The following COL21A1 variants were observed in gnomAD, a reference collection of about 807,000 sequenced individuals.
The protein encoded by COL21A1 is collagen type XXI alpha 1 chain.
A neutral mutation model predicts 137.9 loss-of-function variants in COL21A1; 149 were observed. The observed-to-expected ratio is 1.08, with a 90% confidence interval of 0.95 to 1.24. COL21A1 has a LOEUF of 1.24. Among genes scored for constraint, COL21A1 ranks in the 50% most tolerant of loss-of-function variants. The probability of loss-of-function intolerance (pLI) is 0.00; values close to 1 mark genes in which losing one functional copy is unlikely to be tolerated. For missense variants in COL21A1, 1,167 were observed against 1,158.4 expected (o/e 1.01, Z -0.11); for synonymous variants, 456 against 391.5 (o/e 1.16, Z -1.95).
chr6:56,347,517 T>TAAAAA (rs373385667), intron 1 of COL21A1, among the ~76,000 whole-genome samples: 5 of 127,164 alleles, frequency 3.9e-5, no homozygotes, highest in Non-Finnish European at 4.9e-5. Context: ...AGGAAGCATT[T>TAAAAA]AAAAAAAAAA....
At chr6:56,270,177 A>T (rs1278461491) in intron 1 of COL21A1, among the ~76,000 whole-genome samples, 2 of 152,246 alleles carry the variant, frequency 1.3e-5, no homozygotes, top group African/African-American at 4.8e-5. Context: ...CAAGATACTC[A>T]TCTCACATGT....
Position 56,069,112 on chromosome 6 carries a change from T to C in COL21A1, c.2025A>G (p.Glu675=), listed in dbSNP as rs746496717. The C allele has an allele frequency of 6.3e-7, 1 of 1,597,190 alleles. No individual in the cohort carries two copies. The highest frequency in any genetic ancestry group is 8.5e-7 in the Non-Finnish European group (1 of 1,171,252). The change falls in exon 22 of 30, where the codon GAA becomes GAG. Residue 675 remains glutamate (E), a synonymous_variant. Coordinates refer to ENST00000244728, the MANE Select transcript of COL21A1 (RefSeq NM_030820.4). The part of the protein sequence containing the change: ...GMPGASGLKG[E]PGATGSPGEP... ...CTCCTGGGGAACCCGTTGCTCCTGG[T>C]TCTCCCTATGTAACACAGAAATTCC...
At chr6:56,287,986 C>T (rs72866942) in intron 1 of COL21A1, among the ~76,000 whole-genome samples, 1,923 of 152,196 alleles carry the variant, frequency 0.013, 21 homozygotes, top group Non-Finnish European at 0.021. Flanking sequence ...CCTAGGGCCA[C>T]CAGAAGGAGT....
intron 1 of COL21A1, among the ~76,000 whole-genome samples, chr6:56,262,541 G>A (rs1294260391): frequency 1.3e-5 from 2 of 152,128 alleles, no homozygotes; most frequent in African/African-American, 4.8e-5. Context: ...CAGGAAAGAA[G>A]GAGAATGTAT....
intron 1 of COL21A1, among the ~76,000 whole-genome samples, chr6:56,243,315 T>C (rs763951116): frequency 5.3e-5 from 8 of 152,312 alleles, no homozygotes; most frequent in Non-Finnish European, 1.2e-4. Flanking sequence ...GTTAAAGCAG[T>C]GATTCCCTAG....
intron 17 of COL21A1, among the ~76,000 whole-genome samples, chr6:56,098,687 A>AAAT (rs1770100628): frequency 1.0e-5 from 1 of 97,608 alleles, no homozygotes; most frequent in Non-Finnish European, 1.8e-5. Flanking sequence ...AAATATATAT[A>AAAT]AATATATAAA....
chr6:56,210,089 C>A (rs1780063021), intron 1 of COL21A1, among the ~76,000 whole-genome samples: 1 of 151,738 alleles, frequency 6.6e-6, no homozygotes, highest in Non-Finnish European at 1.5e-5. Context: ...GGAGGCATCA[C>A]ACACTGGGGC....
At chr6:56,075,648 C>G (rs1767167921) in intron 18 of COL21A1, 116 bp from the exon 19 acceptor site, 3 of 713,154 alleles carry the variant, frequency 4.2e-6, no homozygotes, top group Non-Finnish European at 6.7e-6. Flanking sequence ...TCACCTTTTT[C>G]TGCTTTCTCT....
In COL21A1 at chr6:56,180,021, T is replaced by G. The variant is rs753898954; in HGVS notation, c.197A>C (p.Asn66Thr). Residue 66 changes from asparagine (N) to threonine (T), a missense_variant, in exon 3 of 30, where the codon AAC (asparagine) becomes ACC (threonine). Coordinates refer to ENST00000244728, the MANE Select transcript of COL21A1 (RefSeq NM_030820.4). ...VKKWLVNITK[N>T]FDIGPKFIQV... ...AATAAACTTCGGCCCTATGTCAAAG[T>G]TTTTTGTGATATTGACAAGCCACTT... 2.5e-6 allele frequency: 4 copies of G among 1,613,728 alleles called. No homozygotes were observed. The African/African-American group carries it at 5.3e-5, about 22-fold the overall frequency.
chr6:56,116,380 T>G (rs575381486), intron 16 of COL21A1, among the ~76,000 whole-genome samples: 1 of 137,444 alleles, frequency 7.3e-6, no homozygotes, highest in African/African-American at 2.7e-5. Flanking sequence ...GCATGACATT[T>G]TTTAAGTGCC....
intron 1 of COL21A1, among the ~76,000 whole-genome samples, chr6:56,227,973 T>G (rs769044478): frequency 1.3e-5 from 2 of 151,918 alleles, no homozygotes; most frequent in Non-Finnish European, 2.9e-5. Flanking sequence ...GACAGGAAGA[T>G]AGTACCTGAA....
At chr6:56,262,285 C>T (rs1336140658) in intron 1 of COL21A1, among the ~76,000 whole-genome samples, 3 of 152,168 alleles carry the variant, frequency 2.0e-5, no homozygotes, top group Non-Finnish European at 4.4e-5. Flanking sequence ...TTAGACCATC[C>T]TCTGTACTTT....
intron 1 of COL21A1, among the ~76,000 whole-genome samples, chr6:56,298,582 C>T (rs1465625404): frequency 6.6e-6 from 1 of 152,048 alleles, no homozygotes; most frequent in Non-Finnish European, 1.5e-5. Context: ...GACACCACCC[C>T]ACTCTCAGCC....
chr6:56,167,882 A>C (rs1776713751), intron 6 of COL21A1, among the ~76,000 whole-genome samples: 1 of 152,152 alleles, frequency 6.6e-6, no homozygotes, highest in African/African-American at 2.4e-5. Flanking sequence ...GAAATGTAGA[A>C]TTCTATCCTG....
chr6:56,197,354 C>G (rs188775623), intron 1 of COL21A1, among the ~76,000 whole-genome samples: 1 of 152,094 alleles, frequency 6.6e-6, no homozygotes, highest in Non-Finnish European at 1.5e-5. Flanking sequence ...TAAAAATAAA[C>G]AAGTGGGACT....
At chr6:56,170,117 C>A (rs1399749476) in intron 5 of COL21A1, among the ~76,000 whole-genome samples, 1 of 151,634 alleles carries the variant, frequency 6.6e-6, no homozygotes, top group East Asian at 1.9e-4. Context: ...AATATGTATT[C>A]CATTAGGGTA....
At position 56,392,650 on chromosome 6, in the gene COL21A1, T is replaced by C. The variant is rs576245161; in HGVS notation, c.-39+1321A>G. The stretch of plus-strand genomic sequence containing the variant: ...TCATTCAGTAAACGAATTCAGTAAA[T>C]TTGCAGGATACAAAATAAACACACA... On this transcript the variant is annotated intron_variant, in intron 1 of 28. Transcript: ENST00000370819. 1.9e-3 allele frequency among the ~76,000 whole-genome samples: 287 copies of C among 152,122 alleles called. 2 individuals carry two copies. The highest frequency in any genetic ancestry group is 6.6e-3 in the African/African-American group (276 of 41,516).
chr6:56,309,997 A>G (rs1764570418), intron 1 of COL21A1, among the ~76,000 whole-genome samples: 1 of 152,214 alleles, frequency 6.6e-6, no homozygotes, highest in Non-Finnish European at 1.5e-5. Context: ...AATTTTTCCA[A>G]GACAAAAGGC....
At chr6:56,375,713 T>G (rs1296536152) in intron 1 of COL21A1, among the ~76,000 whole-genome samples, 1 of 152,200 alleles carries the variant, frequency 6.6e-6, no homozygotes, top group Non-Finnish European at 1.5e-5. Flanking sequence ...CCACGACTGA[T>G]GCAAAATCAA....
Sources: allele counts gnomAD v4.1 joint callset (sites outside exome capture counted in the v4.1 genomes callset), GRCh38; gene constraint gnomAD v4.1.1; transcripts MANE v1.5; gene names NCBI Gene and HGNC (gene_info 2026-07-23, HGNC 2026-07-21).